GABRA3: variants seen among roughly 807,000 people sequenced by gnomAD.
GABRA3 encodes gamma-aminobutyric acid type A receptor subunit alpha3.
In GABRA3, 10 loss-of-function variants were observed where a neutral mutation model predicts 30.1. That is an observed-to-expected ratio of 0.33 (90% confidence interval 0.20 to 0.56). The LOEUF is 0.56. Ranked by LOEUF, GABRA3 falls within the 20% of genes least tolerant of loss-of-function variation. GABRA3 has a pLI of 0.89. For missense variants in GABRA3, 233 were observed against 392.0 expected (o/e 0.59, Z 3.42); for synonymous variants, 151 against 146.8 (o/e 1.03, Z -0.21).
chrX:152,402,915 T>C (rs939340126), intron 1 of GABRA3, among the ~76,000 whole-genome samples: 5 of 111,894 alleles, frequency 4.5e-5, no homozygotes, highest in African/African-American at 6.5e-5. Flanking sequence ...AAGCCAACCA[T>C]AATTTGAGAA....
chrX:152,257,333 T>A (rs191345071), intron 4 of GABRA3, among the ~76,000 whole-genome samples: 5 of 111,941 alleles, frequency 4.5e-5, no homozygotes, highest in African/African-American at 1.3e-4. Flanking sequence ...GAGTATAACA[T>A]CTGCCCAAAT....
intron 3 of GABRA3, among the ~76,000 whole-genome samples, chrX:152,295,460 G>A (rs766698462): frequency 2.7e-5 from 3 of 113,004 alleles, no homozygotes; most frequent in Non-Finnish European, 5.6e-5. Context: ...AGACTGCTGC[G>A]CTAGCAGTGA....
intron 1 of GABRA3, among the ~76,000 whole-genome samples, chrX:152,390,724 G>C (rs1224824969): frequency 9.0e-6 from 1 of 111,348 alleles, no homozygotes; most frequent in Non-Finnish European, 1.9e-5. Context: ...CCATGATAGA[G>C]AATGAAGAAA....
intron 3 of GABRA3, among the ~76,000 whole-genome samples, chrX:152,343,256 G>A (rs1358479038): frequency 9.0e-6 from 1 of 111,234 alleles, no homozygotes; most frequent in Admixed American, 9.6e-5. Context: ...GGCAGTTAAG[G>A]ATCAGCAATC....
chrX:152,172,452 T>C (rs1937015241), intron 9 of GABRA3, among the ~76,000 whole-genome samples: 1 of 111,655 alleles, frequency 9.0e-6, no homozygotes, highest in Non-Finnish European at 1.9e-5. Context: ...TGAGTATATA[T>C]CCCCAAATTA....
chrX:152,256,986 A>G (rs1938647468), intron 4 of GABRA3, among the ~76,000 whole-genome samples: 1 of 111,665 alleles, frequency 9.0e-6, no homozygotes, highest in African/African-American at 3.3e-5. Context: ...AGAGAATCCC[A>G]GAAGGGATGG....
At chrX:152,448,140 C>T (rs763014205) in intron 1 of GABRA3, among the ~76,000 whole-genome samples, 73 of 111,957 alleles carry the variant, frequency 6.5e-4, no homozygotes, top group Non-Finnish European at 1.2e-3. Flanking sequence ...CATTTTCCTT[C>T]ACTAGGGGAG....
intron 2 of GABRA3, among the ~76,000 whole-genome samples, chrX:152,352,680 G>T (rs988829100): frequency 8.9e-6 from 1 of 111,839 alleles, no homozygotes; most frequent in African/African-American, 3.2e-5. Flanking sequence ...GGAGAGAGCA[G>T]ATTTTTTTAA....
chrX:152,197,715 G>A lies in GABRA3; in HGVS notation c.849C>T (p.Tyr283=), dbSNP rs1452801300. The change falls in exon 8 of 10, where the codon TAC becomes TAT. Residue 283 remains tyrosine (Y), a synonymous_variant. Transcript: ENST00000370314. ...GAATGACAGTCATGATACATGGCAA[G>A]TAGGTCTGGATCACAAAGTAGCCAA... The part of the protein sequence containing the change: ...RKIGYFVIQT[Y]LPCIMTVILS... The A allele has an allele frequency of 2.2e-5, 27 of 1,209,474 alleles. No individual in the cohort carries two copies. Among genetic ancestry groups the A allele is most frequent in the East Asian group, 3.0e-5 (1 of 33,804 alleles).
intron 4 of GABRA3, among the ~76,000 whole-genome samples, chrX:152,276,773 T>C (rs60057805): frequency 0.12 from 12,877 of 111,320 alleles, 595 homozygotes; most frequent in African/African-American, 0.16. Context: ...ACACATGCTA[T>C]GGATGAGTTT....
At chrX:152,195,787 G>T (rs766765188) in intron 8 of GABRA3, among the ~76,000 whole-genome samples, 1 of 111,524 alleles carries the variant, frequency 9.0e-6, no homozygotes, top group South Asian at 3.8e-4. Context: ...TCCATCTCAA[G>T]ATCTTTTATT....
At chrX:152,291,656 A>C (rs373840146) in intron 3 of GABRA3, among the ~76,000 whole-genome samples, 4 of 111,279 alleles carry the variant, frequency 3.6e-5, no homozygotes, top group African/African-American at 1.3e-4. Context: ...GTTTGTCATA[A>C]ATAGCTCTTA....
In GABRA3 at chrX:152,320,622, T is replaced by C. The variant is rs1177175365; in HGVS notation, c.262+24959A>G. ...AAAAGACTACAAATGGGGTTGAGTG[T>C]ATACTGCTCAGGTGATGGGTGCACC... On this transcript the variant is annotated intron_variant, in intron 3 of 9. Coordinates refer to ENST00000370314, the MANE Select transcript of GABRA3 (RefSeq NM_000808.4). Among the ~76,000 whole-genome samples the C allele has an allele frequency of 3.6e-5, 4 of 111,376 alleles. No homozygotes were observed. The Admixed American group carries it at 3.8e-4, about 11-fold the overall frequency.
intron 1 of GABRA3, among the ~76,000 whole-genome samples, chrX:152,416,203 TCACAAG>T (rs1156764177): frequency 2.1e-5 from 2 of 96,630 alleles, no homozygotes; most frequent in Admixed American, 2.3e-4. Context: ...TGTACAAAAA[TCACAAG>T]CATTCTTATA....
chrX:152,427,772 TTC>T (rs1163230290), intron 1 of GABRA3, among the ~76,000 whole-genome samples: 3 of 111,852 alleles, frequency 2.7e-5, no homozygotes, highest in Non-Finnish European at 3.8e-5. Context: ...AGCTAAAACT[TTC>T]TGTTTCTCAC....
chrX:152,371,609 C>A (rs1255939479), intron 1 of GABRA3, among the ~76,000 whole-genome samples: 1 of 111,154 alleles, frequency 9.0e-6, no homozygotes, highest in African/African-American at 3.3e-5. Flanking sequence ...CATCCCTTGA[C>A]CTGACATTCC....
chrX:152,278,317 T>A (rs1301683406), intron 4 of GABRA3, among the ~76,000 whole-genome samples: 2 of 103,446 alleles, frequency 1.9e-5, no homozygotes, highest in Admixed American at 1.1e-4. Flanking sequence ...TGTCCATGTG[T>A]TCTCATTGTT....
chrX:152,286,280 C>T (rs961182104), intron 3 of GABRA3, among the ~76,000 whole-genome samples: 17 of 108,157 alleles, frequency 1.6e-4, no homozygotes, highest in African/African-American at 5.4e-4. Context: ...CCCTACTTAC[C>T]CCCACTGCAG....
intron 3 of GABRA3, among the ~76,000 whole-genome samples, chrX:152,317,417 C>T (rs1411090212): frequency 9.0e-6 from 1 of 111,305 alleles, no homozygotes. Context: ...GTCATCAAGA[C>T]CAAGTCAACA....
Sources: gnomAD v4.1 joint callset for allele counts (sites outside exome capture counted in the v4.1 genomes callset) on GRCh38, gnomAD v4.1.1 for gene constraint, MANE v1.5 for transcripts, NCBI Gene and HGNC (gene_info 2026-07-23, HGNC 2026-07-21) for gene names.